Variants in PERM1 observed in about 807,000 individuals in gnomAD.
PERM1 encodes the protein PPARGC1 and ESRR induced regulator, muscle 1.
Under a neutral mutation model 44.1 loss-of-function variants are expected in PERM1, and 45 were observed. That is an observed-to-expected ratio of 1.02 (90% CI 0.80 to 1.31). The LOEUF (loss-of-function observed/expected upper bound fraction) is 1.31. Ranked by LOEUF, PERM1 falls within the 50% of genes most tolerant of loss-of-function variation. The probability of loss-of-function intolerance (pLI) is 0.00; values close to 1 mark genes in which losing one functional copy is unlikely to be tolerated. For synonymous variants in PERM1, 565 were observed against 477.1 expected, an observed-to-expected ratio of 1.18 and a Z score of -2.40; for missense variants, 1,189 against 1,106.9, an observed-to-expected ratio of 1.07 and a Z score of -1.05.
upstream of PERM1, chr1:981,069 C>T (rs1397417858): frequency 6.5e-7 from 1 of 1,546,198 alleles, no homozygotes; most frequent in Non-Finnish European, 8.7e-7. Flanking sequence ...CAGAATGGGT[C>T]CGGTGGGGTC....
chr1:979,376 G>A lies in PERM1; in HGVS notation c.1654C>T (p.Gln552Ter). 6.6e-7 allele frequency: 1 copy of A among 1,505,374 alleles called. No homozygotes were observed. Among genetic ancestry groups the A allele is most frequent in the Non-Finnish European group, 8.9e-7 (1 of 1,125,856 alleles). 93.3% of individuals were successfully genotyped at this position (1,505,374 alleles called of 1,614,324 possible). ...GGCAGGTGCTTGAGGATCCGAGGCTGGTGGGGCCGGGGCCCGACAGCCACA... is the reference window on the plus strand; with the variant it reads ...GGCAGGTGCTTGAGGATCCGAGGCTAGTGGGGCCGGGGCCCGACAGCCACA... The change falls in exon 1 of 3, where the codon CAG becomes TAG. Residue 552 changes from glutamine (Q) to a stop codon, truncating the protein, a stop_gained. Transcript: ENST00000433179. LOFTEE classifies it high-confidence loss of function.
chr1:981,098 G>A (rs762337480), upstream of PERM1: 50 of 1,548,478 alleles, frequency 3.2e-5, no homozygotes, highest in South Asian at 3.7e-4. Context: ...TTCAGGCCCC[G>A]GGCACCACCC....
upstream of PERM1, chr1:981,936 G>C: frequency 1.4e-6 from 1 of 739,904 alleles, no homozygotes; most frequent in South Asian, 1.7e-5. Context: ...TCCTGAGACG[G>C]AGGCCAGGGC....
At chr1:978,988 G>A in exon 1 of PERM1, 2 of 1,523,644 alleles carry the variant, frequency 1.3e-6, no homozygotes, top group Non-Finnish European at 1.8e-6. Flanking sequence ...GGCCTGCAGT[G>A]GGAGCGGGAC....
At chr1:976,013 C>T in exon 3 of PERM1, 1 of 714,544 alleles carries the variant, frequency 1.4e-6, no homozygotes, top group Non-Finnish European at 2.2e-6. Flanking sequence ...CTGGCTGGAT[C>T]CTCAGGTGAG....
At chr1:980,826 C>T in exon 1 of PERM1, 1 of 1,399,258 alleles carries the variant, frequency 7.1e-7, no homozygotes, top group South Asian at 1.7e-5. Flanking sequence ...GCCGGCTCCG[C>T]CCTCCTGCAG....
At position 976,534 on chromosome 1, in the gene PERM1, G is replaced by A. The variant is rs1570063113; in HGVS notation, c.2240C>T (p.Thr747Met). The change falls in exon 2 of 3, where the codon ACG (threonine) becomes ATG (methionine). Residue 747 changes from threonine to methionine, a missense_variant. By Grantham distance (81) the Thr-to-Met change is moderately conservative (BLOSUM62 -1). Coordinates refer to ENST00000433179, the Ensembl canonical transcript of PERM1. The stretch of plus-strand genomic sequence containing the variant: ...GGCGTCTGGGGTATGCGGATCTGAC[G>A]TCCTCACAGCCCAGGTGGCAAAAGC... 5.8e-6 allele frequency: 9 copies of A among 1,549,464 alleles called. 1 individual carries two copies. The highest frequency in any genetic ancestry group is 2.0e-5 in the Admixed American group (1 of 50,942).
upstream of PERM1, chr1:981,078 T>C: frequency 6.5e-7 from 1 of 1,545,738 alleles, no homozygotes; most frequent in Non-Finnish European, 8.7e-7. Flanking sequence ...TCCGGTGGGG[T>C]CTTCATGGGT....
chr1:979,053 GA>G lies in PERM1; in HGVS notation c.1976del (p.Val659AlafsTer48). 6.5e-7 allele frequency: 1 copy of G among 1,545,726 alleles called. No individual in the cohort carries two copies. The highest frequency in any genetic ancestry group is 1.4e-5 in the African/African-American group (1 of 73,072). ...CCTCCCCGAAGAAGAAGTGTTCATAGACCTCAGGGATGGAGATGGGCACGGG... is the reference window on the plus strand; with the variant it reads ...CCTCCCCGAAGAAGAAGTGTTCATAGCCTCAGGGATGGAGATGGGCACGGG... On this transcript the variant is annotated frameshift_variant, in exon 1 of 3. Transcript: ENST00000433179. LOFTEE classifies it high-confidence loss of function.
exon 1 of PERM1, chr1:979,208 C>T: frequency 3.2e-6 from 5 of 1,550,138 alleles, no homozygotes; most frequent in Non-Finnish European, 4.4e-6. Context: ...TGGACGCCTG[C>T]CGGATCCTGA....
At chr1:976,091 G>C in exon 3 of PERM1, 1 of 1,384,118 alleles carries the variant, frequency 7.2e-7, no homozygotes, top group Non-Finnish European at 9.7e-7. Flanking sequence ...CAGAGGGCCC[G>C]GGCGAGGGCG....
At chr1:980,055 G>A (rs1194677576) in exon 1 of PERM1, 3 of 1,548,796 alleles carry the variant, frequency 1.9e-6, no homozygotes, top group African/African-American at 2.8e-5. Context: ...CCATGTCCCT[G>A]TCAGATTGCG....
exon 1 of PERM1, chr1:979,867 G>A (rs1488888973): frequency 3.9e-6 from 6 of 1,549,060 alleles, no homozygotes; most frequent in African/African-American, 1.4e-5. Context: ...GGAGATGGGT[G>A]TAGACAGAGC....
rs185856602 is a variant in PERM1, at chr1:976,477, C to T, written c.2275+22G>A. ...CGGTCTGGCTTCTAGGCGCAGCTCC[C>T]TCTGCCCCCAGGCACCCAAACCTGT... On this transcript the variant is annotated intron_variant, in intron 2 of 2. Coordinates refer to ENST00000433179, the Ensembl canonical transcript of PERM1. The T allele has an allele frequency of 6.8e-5, 105 of 1,549,454 alleles. 1 individual carries two copies. In the African/African-American group the frequency reaches 1.1e-3, roughly 16 times the overall value.
intron 1 of PERM1, among the ~76,000 whole-genome samples, chr1:978,297 T>C (rs1643681988): frequency 6.7e-6 from 1 of 149,770 alleles, no homozygotes; most frequent in Admixed American, 6.6e-5. Flanking sequence ...ACATTTGTGC[T>C]GGACACGTCT....
At chr1:976,222 G>A (rs1347949033) in exon 3 of PERM1, 2 of 1,538,212 alleles carry the variant, frequency 1.3e-6, no homozygotes, top group East Asian at 2.4e-5. Context: ...CCCACCTGCC[G>A]GCGGAAGTAG....
chr1:979,695 C>T (rs1442267077), exon 1 of PERM1: 4 of 1,550,314 alleles, frequency 2.6e-6, no homozygotes, highest in Middle Eastern at 1.7e-4. Flanking sequence ...CAGGTGTAGA[C>T]ACAAGCCCGC....
At chr1:978,931 G>T in exon 1 of PERM1, 2 of 1,507,478 alleles carry the variant, frequency 1.3e-6, no homozygotes, top group Non-Finnish European at 1.8e-6. Context: ...TGGCTTGAGG[G>T]GGGTCCCAGG....
At chr1:975,922 C>A in exon 3 of PERM1, 1 of 515,600 alleles carries the variant, frequency 1.9e-6, no homozygotes, top group Non-Finnish European at 3.4e-6. Flanking sequence ...TCTGGCCACC[C>A]TCCTACCCAG....
Sources: allele counts gnomAD v4.1 joint callset (sites outside exome capture counted in the v4.1 genomes callset), GRCh38; gene constraint gnomAD v4.1.1; transcripts MANE v1.5; gene names NCBI Gene and HGNC (gene_info 2026-07-23, HGNC 2026-07-21).